RAB6B: variants seen among roughly 807,000 people sequenced by gnomAD.
RAB6B encodes the protein RAB6B, member RAS oncogene family, also known as ras-related protein Rab-6B.
Under a neutral mutation model 31.2 loss-of-function variants are expected in RAB6B, and 7 were observed. The observed-to-expected ratio is 0.22, with a 90% CI of 0.13 to 0.42. RAB6B has a LOEUF of 0.42. Among genes scored for constraint, RAB6B ranks in the 10% least tolerant of loss-of-function variants. The pLI, the probability that RAB6B is intolerant of heterozygous loss-of-function variation, is 1.00. For missense variants in RAB6B, 149 were observed against 280.6 expected (o/e 0.53, Z 3.35); for synonymous variants, 105 against 104.9 (o/e 1.00, Z -0.01).
intron 5 of RAB6B, among the ~76,000 whole-genome samples, chr3:133,838,546 C>T (rs1935776184): frequency 6.6e-6 from 1 of 152,204 alleles, no homozygotes; most frequent in Non-Finnish European, 1.5e-5. Flanking sequence ...CCTGCCTTTC[C>T]CAGTAGTCAC....
chr3:133,841,568 G>T, intron 3 of RAB6B, 42 bp downstream of exon 3: 1 of 1,607,314 alleles, frequency 6.2e-7, no homozygotes, highest in Non-Finnish European at 8.5e-7. Context: ...AAGCCCAAAG[G>T]AACCCTCCCT....
intron 2 of RAB6B, among the ~76,000 whole-genome samples, chr3:133,844,284 T>C (rs763264122): frequency 6.6e-6 from 1 of 152,230 alleles, no homozygotes. Flanking sequence ...ACGAGGAACC[T>C]GAACAAGGCC....
chr3:133,874,095 G>A (rs1046247695), intron 1 of RAB6B, among the ~76,000 whole-genome samples: 7 of 151,912 alleles, frequency 4.6e-5, no homozygotes, highest in African/African-American at 1.7e-4. Flanking sequence ...TGAAAGAGGT[G>A]GACAGGGAGG....
chr3:133,869,896 C>T (rs1469359944), intron 1 of RAB6B, among the ~76,000 whole-genome samples: 1 of 152,152 alleles, frequency 6.6e-6, no homozygotes, highest in Non-Finnish European at 1.5e-5. Flanking sequence ...TGGAACAAAG[C>T]CACACCTTCC....
chr3:133,841,689 C>A, intron 2 of RAB6B, 26 bp from the exon 3 acceptor site: 1 of 1,612,604 alleles, frequency 6.2e-7, no homozygotes, highest in Non-Finnish European at 8.5e-7. Flanking sequence ...ACAGAACGGT[C>A]AAAATCAAAA....
chr3:133,853,030 A>G (rs1486172839), intron 2 of RAB6B, among the ~76,000 whole-genome samples: 2 of 152,134 alleles, frequency 1.3e-5, no homozygotes, highest in African/African-American at 4.8e-5. Context: ...CCTCCTCTGC[A>G]TCTGTAGTAC....
At chr3:133,881,483 C>T (rs898171604) in intron 1 of RAB6B, among the ~76,000 whole-genome samples, 1 of 152,200 alleles carries the variant, frequency 6.6e-6, no homozygotes, top group African/African-American at 2.4e-5. Flanking sequence ...TGGAAACACA[C>T]AACATGGGAA....
At chr3:133,853,304 T>A (rs1002508193) in intron 2 of RAB6B, among the ~76,000 whole-genome samples, 1 of 152,114 alleles carries the variant, frequency 6.6e-6, no homozygotes, top group Non-Finnish European at 1.5e-5. Flanking sequence ...TTTATTTGCA[T>A]GTAGAAGTAT....
intron 1 of RAB6B, among the ~76,000 whole-genome samples, chr3:133,889,420 A>T (rs1223029566): frequency 5.0e-5 from 3 of 59,992 alleles, no homozygotes; most frequent in African/African-American, 1.4e-4. Context: ...ATATATATAT[A>T]TATATATATA....
At chr3:133,880,741 C>T (rs1018454629) in intron 1 of RAB6B, among the ~76,000 whole-genome samples, 8 of 73,106 alleles carry the variant, frequency 1.1e-4, no homozygotes, top group African/African-American at 3.7e-4. Flanking sequence ...AGGGCACAGG[C>T]CCTGCCCCTG....
At chr3:133,857,862 C>T (rs917810074) in intron 2 of RAB6B, among the ~76,000 whole-genome samples, 18 of 152,190 alleles carry the variant, frequency 1.2e-4, no homozygotes, top group African/African-American at 3.9e-4. Flanking sequence ...ACACACTGTT[C>T]GTTGGCCCCT....
chr3:133,856,330 C>A (rs1936076071), intron 2 of RAB6B, among the ~76,000 whole-genome samples: 1 of 151,758 alleles, frequency 6.6e-6, no homozygotes, highest in South Asian at 2.1e-4. Context: ...TACACCAGGC[C>A]CCTGGACTAT....
intron 2 of RAB6B, 47 bp from the exon 3 acceptor site, chr3:133,841,710 A>T (rs374065097): frequency 5.8e-5 from 93 of 1,596,860 alleles, no homozygotes; most frequent in Non-Finnish European, 7.8e-5. Context: ...GGTCTCATGC[A>T]AAGGGGCAAA....
chr3:133,827,729 G>C lies in RAB6B; in HGVS notation c.*1059C>G. The C allele has an allele frequency of 5.0e-6, 3 of 595,840 alleles. No homozygotes were observed. The South Asian group carries it at 6.0e-5, about 12-fold the overall frequency. 36.9% of individuals were successfully genotyped at this position (595,840 alleles called of 1,614,324 possible). A position where few individuals can be genotyped will look rare whatever the true frequency, so the allele number is the denominator to read the frequency against. ...CTAAGAACATGGATCTTTCAAGGTG[G>C]TGGTTCTGCAGACAACACCCCCCCC... On this transcript the variant is annotated 3_prime_UTR_variant, in exon 8 of 8. Coordinates refer to ENST00000285208, the MANE Select transcript of RAB6B (RefSeq NM_016577.4).
chr3:133,841,279 A>G lies in RAB6B; in HGVS notation c.289+6T>C. 6.2e-7 allele frequency: 1 copy of G among 1,613,910 alleles called. No individual in the cohort carries two copies. Among genetic ancestry groups the G allele is most frequent in the Non-Finnish European group, 8.5e-7 (1 of 1,179,876 alleles). On this transcript the variant is annotated splice_donor_region_variant and intron_variant, in intron 4 of 7. Coordinates refer to ENST00000285208, the MANE Select transcript of RAB6B (RefSeq NM_016577.4). ...CACCCTCCCTTAGGAGCAGAGCCTC[A>G]CTCACTTGTGATGTCGTACACCACC... is the stretch of plus-strand genomic sequence containing the variant.
intron 1 of RAB6B, among the ~76,000 whole-genome samples, chr3:133,867,665 G>A (rs1171513263): frequency 1.3e-5 from 2 of 152,146 alleles, no homozygotes; most frequent in African/African-American, 4.8e-5. Context: ...CTGGAATTGG[G>A]GGCCTTTCCC....
chr3:133,852,324 T>G (rs1935998678), intron 2 of RAB6B, among the ~76,000 whole-genome samples: 1 of 152,190 alleles, frequency 6.6e-6, no homozygotes, highest in African/African-American at 2.4e-5. Flanking sequence ...GCATTGCACT[T>G]TGGAGGTCTG....
At chr3:133,852,957 C>G (rs933257088) in intron 2 of RAB6B, among the ~76,000 whole-genome samples, 10 of 152,232 alleles carry the variant, frequency 6.6e-5, no homozygotes, top group African/African-American at 2.2e-4. Context: ...ATGCTGAGCT[C>G]CATGCAGTAT....
intron 2 of RAB6B, among the ~76,000 whole-genome samples, chr3:133,861,777 GTAGATTCCATTC>G (rs1233599385): frequency 6.6e-6 from 1 of 152,198 alleles, no homozygotes; most frequent in Non-Finnish European, 1.5e-5. Context: ...GGAAGGAGGG[GTAGATTCCATTC>G]TAGGAACTGT....
Sources: gnomAD v4.1 joint callset for allele counts (sites outside exome capture counted in the v4.1 genomes callset) on GRCh38, gnomAD v4.1.1 for gene constraint, MANE v1.5 for transcripts, NCBI Gene and HGNC (gene_info 2026-07-23, HGNC 2026-07-21) for gene names.